Variants in PRKCE observed in about 807,000 individuals in gnomAD.
PRKCE encodes protein kinase C epsilon type.
A neutral mutation model predicts 85.4 loss-of-function variants in PRKCE; 16 were observed. That is an observed-to-expected ratio of 0.19 (90% CI 0.13 to 0.28). The LOEUF (loss-of-function observed/expected upper bound fraction) is 0.28, where lower values mean the gene tolerates loss of function less well. PRKCE is among the 10% of genes least tolerant of loss of function. PRKCE has a pLI of 1.00. For synonymous variants in PRKCE, 388 were observed against 371.5 expected (o/e 1.04, Z -0.51); for missense variants, 573 against 975.2 (o/e 0.59, Z 5.49).
In PRKCE at chr2:46,068,193, GA is replaced by G. The variant is rs979285348; in HGVS notation, c.1438-18008del. 1.3e-5 allele frequency among the ~76,000 whole-genome samples: 2 copies of G among 152,026 alleles called. No individual in the cohort carries two copies. Among genetic ancestry groups the G allele is most frequent in the Non-Finnish European group, 2.9e-5 (2 of 67,998 alleles). On this transcript the variant is annotated intron_variant, in intron 10 of 14. Transcript: ENST00000306156. This position sits in a 1 kb window ranked among gnomAD's most constrained non-coding sequence, Gnocchi z 4.3. Reference sequence around the variant, plus strand: ...ACCTTAGCTGGTCTGTATCCAGGATGAAAAAAATAATCTATTTTGGTGAGCC... The same window carrying G: ...ACCTTAGCTGGTCTGTATCCAGGATGAAAAAATAATCTATTTTGGTGAGCC...
intron 1 of PRKCE, among the ~76,000 whole-genome samples, chr2:45,704,119 G>T (rs1226136699): frequency 1.3e-5 from 2 of 152,230 alleles, no homozygotes; most frequent in African/African-American, 4.8e-5. Flanking sequence ...GTCAAGGAAG[G>T]CATGGCAGGG....
chr2:45,896,704 C>T (rs1696170739), intron 2 of PRKCE, among the ~76,000 whole-genome samples: 1 of 152,090 alleles, frequency 6.6e-6, no homozygotes, highest in East Asian at 1.9e-4. Flanking sequence ...GCAAATAATC[C>T]TGAGATTGAA....
chr2:45,940,648 G>A (rs911233045), intron 2 of PRKCE, among the ~76,000 whole-genome samples: 9 of 152,100 alleles, frequency 5.9e-5, no homozygotes, highest in Non-Finnish European at 1.2e-4. Flanking sequence ...ACACTCTTGC[G>A]CTCACAAGTG....
intron 2 of PRKCE, among the ~76,000 whole-genome samples, chr2:45,958,131 G>A (rs1176705272): frequency 7.3e-6 from 1 of 137,564 alleles, no homozygotes; most frequent in Non-Finnish European, 1.5e-5. Context: ...TCAGAATTTA[G>A]TTCATTTAGA....
At chr2:46,056,612 G>A (rs1333579270) in intron 10 of PRKCE, among the ~76,000 whole-genome samples, 2 of 152,122 alleles carry the variant, frequency 1.3e-5, no homozygotes, top group Non-Finnish European at 2.9e-5. Flanking sequence ...CCTCTTGAAT[G>A]TCTTTTCATT....
At chr2:45,925,968 A>G (rs1297441121) in intron 2 of PRKCE, among the ~76,000 whole-genome samples, 1 of 152,230 alleles carries the variant, frequency 6.6e-6, no homozygotes, top group Non-Finnish European at 1.5e-5. Flanking sequence ...GGCTAACTTC[A>G]GTGGGTAGAA....
At chr2:45,873,870 G>A (rs1211096817) in intron 2 of PRKCE, among the ~76,000 whole-genome samples, 1 of 152,248 alleles carries the variant, frequency 6.6e-6, no homozygotes, top group Non-Finnish European at 1.5e-5. Context: ...AAAACCAACT[G>A]AGTCTCTTGT....
chr2:46,028,985 T>C (rs886152559), intron 10 of PRKCE, among the ~76,000 whole-genome samples: 25 of 152,226 alleles, frequency 1.6e-4, no homozygotes, highest in African/African-American at 5.5e-4. Flanking sequence ...GTAAAGGACA[T>C]GATCTGGTTC....
intron 11 of PRKCE, among the ~76,000 whole-genome samples, chr2:46,102,620 A>T (rs1289984755): frequency 6.6e-6 from 1 of 152,098 alleles, no homozygotes; most frequent in Admixed American, 6.5e-5. Flanking sequence ...TTTAGTTGTC[A>T]TGTCTCCTTC....
chr2:45,708,666 A>G (rs1679338457), intron 1 of PRKCE, among the ~76,000 whole-genome samples: 1 of 152,156 alleles, frequency 6.6e-6, no homozygotes, highest in Non-Finnish European at 1.5e-5. Context: ...TGTCTTTATC[A>G]GTAGTGTGAA....
chr2:45,820,455 G>C (rs548196729), intron 1 of PRKCE, among the ~76,000 whole-genome samples: 15 of 152,102 alleles, frequency 9.9e-5, no homozygotes, highest in African/African-American at 3.1e-4. Context: ...CTAAGGAAGG[G>C]CAGAATGAGA....
At chr2:45,875,196 G>T (rs1694383030) in intron 2 of PRKCE, among the ~76,000 whole-genome samples, 1 of 152,140 alleles carries the variant, frequency 6.6e-6, no homozygotes, top group South Asian at 2.1e-4. Flanking sequence ...AGTGCAGTCT[G>T]GGAGAAGAGA....
chr2:45,944,638 G>T (rs1335303377), intron 2 of PRKCE, among the ~76,000 whole-genome samples: 1 of 140,546 alleles, frequency 7.1e-6, no homozygotes, highest in Non-Finnish European at 1.5e-5. Flanking sequence ...ACAGGTGCGT[G>T]CCACCATACC....
chr2:45,723,639 CTT>C (rs1680809990), intron 1 of PRKCE, among the ~76,000 whole-genome samples: 1 of 152,096 alleles, frequency 6.6e-6, no homozygotes, highest in African/African-American at 2.4e-5. Flanking sequence ...GAGTTTCACT[CTT>C]TTGCCCAGGC....
At chr2:46,021,937 C>T (rs532751486) in intron 10 of PRKCE, among the ~76,000 whole-genome samples, 2 of 152,164 alleles carry the variant, frequency 1.3e-5, no homozygotes, top group African/African-American at 4.8e-5. Flanking sequence ...GGAGCTTCTA[C>T]ATAGTCTATT....
intron 1 of PRKCE, among the ~76,000 whole-genome samples, chr2:45,661,537 T>TTG (rs1675655123): frequency 7.2e-6 from 1 of 139,284 alleles, no homozygotes; most frequent in African/African-American, 2.7e-5. Flanking sequence ...TTTGTTTTTT[T>TTG]TTTTTTTTTT....
chr2:45,899,863 G>A (rs1696444284), intron 2 of PRKCE, among the ~76,000 whole-genome samples: 1 of 152,224 alleles, frequency 6.6e-6, no homozygotes, highest in Non-Finnish European at 1.5e-5. Flanking sequence ...TGCGGCAATT[G>A]TGTCTCTTTT....
chr2:46,017,564 C>T (rs1001363885), intron 10 of PRKCE, among the ~76,000 whole-genome samples: 1 of 152,162 alleles, frequency 6.6e-6, no homozygotes, highest in African/African-American at 2.4e-5. Context: ...TAGCTATATA[C>T]CTAGAAGTGG....
At chr2:45,885,075 G>A (rs917085365) in intron 2 of PRKCE, among the ~76,000 whole-genome samples, 10 of 146,236 alleles carry the variant, frequency 6.8e-5, no homozygotes. Context: ...TTGATTACTA[G>A]AAACAATGCC....
Sources: allele counts gnomAD v4.1 joint callset (sites outside exome capture counted in the v4.1 genomes callset), GRCh38; gene constraint gnomAD v4.1.1; non-coding constraint Gnocchi (gnomAD v3.1); transcripts MANE v1.5; gene names NCBI Gene and HGNC (gene_info 2026-07-23, HGNC 2026-07-21).